UBE2R2: variants seen among roughly 807,000 people sequenced by gnomAD.
The protein encoded by UBE2R2 is ubiquitin conjugating enzyme E2 R2, also known as ubiquitin-conjugating enzyme E2 R2.
In UBE2R2, 1 loss-of-function variant was observed where a neutral mutation model predicts 27.8. That is an observed-to-expected ratio of 0.04 (90% confidence interval 0.01 to 0.17). The LOEUF is 0.17. UBE2R2 is among the 10% of genes least tolerant of loss of function. UBE2R2 has a pLI of 1.00. For missense variants in UBE2R2, 100 were observed against 291.0 expected (o/e 0.34, Z 4.78); for synonymous variants, 106 against 113.3 (o/e 0.94, Z 0.41).
chr9:33,908,051 CCGACCTCAGGTGAT>C (rs1327009993), intron 3 of UBE2R2, among the ~76,000 whole-genome samples: 9 of 152,114 alleles, frequency 5.9e-5, no homozygotes, highest in African/African-American at 1.9e-4. Context: ...TCTTGAACTC[CCGACCTCAGGTGAT>C]CCGCCTGCCT....
chr9:33,851,784 A>G (rs767678883), intron 1 of UBE2R2, among the ~76,000 whole-genome samples: 14 of 152,188 alleles, frequency 9.2e-5, no homozygotes, highest in Non-Finnish European at 1.8e-4. Flanking sequence ...TCATTTATTT[A>G]TATCTCAATG....
chr9:33,846,640 TATATCATGCAGC>T (rs1820853088), intron 1 of UBE2R2, among the ~76,000 whole-genome samples: 1 of 152,216 alleles, frequency 6.6e-6, no homozygotes, highest in Non-Finnish European at 1.5e-5. Context: ...AATTTTGTAG[TATATCATGCAGC>T]AGTGTGAAGT....
chr9:33,863,460 C>T lies in UBE2R2; in HGVS notation c.178-23421C>T, dbSNP rs772492767. On this transcript the variant is annotated intron_variant, in intron 1 of 4. Coordinates refer to ENST00000263228, the MANE Select transcript of UBE2R2 (RefSeq NM_017811.4). The stretch of plus-strand genomic sequence containing the variant: ...CCGGGAGGCAGAGGTTGCAGTGAGC[C>T]GAGATCAAGATTGCGTTGCCAGTGT... 3.4e-4 allele frequency among the ~76,000 whole-genome samples: 51 copies of T among 150,768 alleles called. 1 individual carries two copies. The highest frequency in any genetic ancestry group is 1.2e-4 in the African/African-American group (5 of 41,004).
At chr9:33,823,682 AT>A in intron 1 of UBE2R2, among the ~76,000 whole-genome samples, 1 of 152,122 alleles carries the variant, frequency 6.6e-6, no homozygotes, top group African/African-American at 2.4e-5. Flanking sequence ...GGCTGAAAAA[AT>A]TTTTTTAGGA....
chr9:33,854,987 T>C (rs1821067518), intron 1 of UBE2R2, among the ~76,000 whole-genome samples: 1 of 151,802 alleles, frequency 6.6e-6, no homozygotes, highest in African/African-American at 2.4e-5. Context: ...GCTAAGATTA[T>C]CACCATCAAT....
chr9:33,887,412 T>C (rs1187186483), intron 2 of UBE2R2, among the ~76,000 whole-genome samples: 1 of 152,204 alleles, frequency 6.6e-6, no homozygotes, highest in Non-Finnish European at 1.5e-5. Flanking sequence ...CTTTTAGGAA[T>C]TGCTGCTGAA....
At chr9:33,875,332 A>G (rs991130444) in intron 1 of UBE2R2, among the ~76,000 whole-genome samples, 1 of 152,202 alleles carries the variant, frequency 6.6e-6, no homozygotes, top group African/African-American at 2.4e-5. Flanking sequence ...GGTAAGAGCA[A>G]ATTTTCTAAT....
In UBE2R2 at chr9:33,840,593, C is replaced by T. The variant is rs150996795; in HGVS notation, c.177+22659C>T. ...TCGGTCTCTTTAGCAATACTGTAGG[C>T]AGTGTTGTGTTCTTTCATGGGGAGG... is the stretch of plus-strand genomic sequence containing the variant. On this transcript the variant is annotated intron_variant, in intron 1 of 4. Transcript: ENST00000263228. 6.0e-4 allele frequency among the ~76,000 whole-genome samples: 91 copies of T among 152,210 alleles called. 1 individual carries two copies. The highest frequency in any genetic ancestry group is 1.9e-4 in the Non-Finnish European group (13 of 68,010).
chr9:33,893,355 A>G (rs1284931479), intron 2 of UBE2R2, among the ~76,000 whole-genome samples: 1 of 152,170 alleles, frequency 6.6e-6, no homozygotes, highest in Non-Finnish European at 1.5e-5. Flanking sequence ...ACTCAGCACA[A>G]TATTTTGGAG....
At chr9:33,880,569 A>G (rs150484190) in intron 1 of UBE2R2, among the ~76,000 whole-genome samples, 1 of 152,322 alleles carries the variant, frequency 6.6e-6, no homozygotes, top group African/African-American at 2.4e-5. Flanking sequence ...TGCGTGTTCT[A>G]TGTGTCCACA....
chr9:33,880,638 G>A (rs944034806), intron 1 of UBE2R2, among the ~76,000 whole-genome samples: 3 of 152,190 alleles, frequency 2.0e-5, no homozygotes, highest in African/African-American at 4.8e-5. Flanking sequence ...TCCTTACTGA[G>A]TTTTTGTCTC....
intron 1 of UBE2R2, among the ~76,000 whole-genome samples, chr9:33,832,617 C>T (rs1383213191): frequency 1.3e-5 from 2 of 150,760 alleles, no homozygotes; most frequent in Non-Finnish European, 2.9e-5. Context: ...CGAGATTGTG[C>T]CACTGCACTC....
chr9:33,870,250 C>G (rs1469071669), intron 1 of UBE2R2, among the ~76,000 whole-genome samples: 1 of 152,290 alleles, frequency 6.6e-6, no homozygotes, highest in Non-Finnish European at 1.5e-5. Flanking sequence ...TCAAGCGATT[C>G]TCCTGCCTCA....
At chr9:33,829,864 C>G (rs1217443704) in intron 1 of UBE2R2, among the ~76,000 whole-genome samples, 1 of 143,222 alleles carries the variant, frequency 7.0e-6, no homozygotes, top group Non-Finnish European at 1.5e-5. Flanking sequence ...GGCACAATCT[C>G]GGCTCACCGC....
At chr9:33,909,470 G>A (rs68069143) in intron 3 of UBE2R2, among the ~76,000 whole-genome samples, 10,336 of 152,174 alleles carry the variant, frequency 0.068, 491 homozygotes, top group Non-Finnish European at 0.099. Context: ...CCTGGGCGAC[G>A]AGTGAAACCC....
chr9:33,917,493 T>A lies in UBE2R2; in HGVS notation c.*256T>A, dbSNP rs564808746. 3.2e-4 allele frequency: 179 copies of A among 562,858 alleles called. 1 individual carries two copies. The highest frequency in any genetic ancestry group is 2.6e-3 in the South Asian group (91 of 34,708). 34.9% of individuals were successfully genotyped at this position (562,858 alleles called of 1,614,324 possible). On this transcript the variant is annotated 3_prime_UTR_variant, in exon 5 of 5. Transcript: ENST00000263228. ...TCCATCACTATATTGATTCTTTTTT[T>A]AAAAAATATGAACCCAAACTCCCGC...
intron 1 of UBE2R2, among the ~76,000 whole-genome samples, chr9:33,870,105 A>G (rs941148185): frequency 2.0e-5 from 3 of 152,012 alleles, no homozygotes; most frequent in Admixed American, 1.3e-4. Flanking sequence ...TTGGCCTTCC[A>G]AAGTGCTGAG....
At chr9:33,885,052 CAGTT>C (rs1414684585) in intron 1 of UBE2R2, among the ~76,000 whole-genome samples, 3 of 152,150 alleles carry the variant, frequency 2.0e-5, no homozygotes, top group African/African-American at 7.2e-5. Flanking sequence ...TTTCTAGAAC[CAGTT>C]AGTTAGCTGG....
chr9:33,899,748 C>T (rs1822204389), intron 2 of UBE2R2, among the ~76,000 whole-genome samples: 2 of 151,902 alleles, frequency 1.3e-5, no homozygotes, highest in Admixed American at 1.3e-4. Context: ...GTCCACCCGC[C>T]TTGGCCTCCC....
Sources: gnomAD v4.1 joint callset for allele counts (sites outside exome capture counted in the v4.1 genomes callset) on GRCh38, gnomAD v4.1.1 for gene constraint, MANE v1.5 for transcripts, NCBI Gene and HGNC (gene_info 2026-07-23, HGNC 2026-07-21) for gene names.